Variants in KCNIP1 observed in about 807,000 individuals in gnomAD.
The protein encoded by KCNIP1 is A-type potassium channel modulatory protein KCNIP1.
A neutral mutation model predicts 33.0 loss-of-function variants in KCNIP1; 18 were observed. That is an observed-to-expected ratio of 0.55 (90% CI 0.38 to 0.81). KCNIP1 has a LOEUF of 0.81. Ranked by LOEUF, KCNIP1 falls within the 30% of genes least tolerant of loss-of-function variation. The probability of loss-of-function intolerance (pLI) is 0.00; values close to 1 mark genes in which losing one functional copy is unlikely to be tolerated. For missense variants in KCNIP1, 238 were observed against 271.6 expected (o/e 0.88, Z 0.87); for synonymous variants, 93 against 98.3 (o/e 0.95, Z 0.32).
intron 1 of KCNIP1, among the ~76,000 whole-genome samples, chr5:170,710,165 A>C (rs186646): frequency 0.71 from 108,028 of 152,196 alleles, 39,830 homozygotes; most frequent in East Asian, 0.95. Flanking sequence ...CTGTGCCTGG[A>C]CTGTGATTTC....
chr5:170,424,466 G>A (rs933425049), intron 1 of KCNIP1, among the ~76,000 whole-genome samples: 4 of 151,006 alleles, frequency 2.6e-5, no homozygotes, highest in African/African-American at 9.8e-5. Flanking sequence ...AACAAAGGGT[G>A]CATCCCACCC....
intron 1 of KCNIP1, among the ~76,000 whole-genome samples, chr5:170,439,483 C>T (rs1034567958): frequency 5.9e-5 from 7 of 118,440 alleles, no homozygotes; most frequent in Admixed American, 1.7e-4. Flanking sequence ...ATGTGGGGGA[C>T]GGGGGCGGGG....
chr5:170,357,166 T>A (rs1763370812), intron 1 of KCNIP1, among the ~76,000 whole-genome samples: 1 of 151,818 alleles, frequency 6.6e-6, no homozygotes, highest in Non-Finnish European at 1.5e-5. Context: ...ACGAATGCAG[T>A]GAGGAGCACA....
chr5:170,563,736 G>A (rs2113463063), intron 1 of KCNIP1, among the ~76,000 whole-genome samples: 1 of 152,304 alleles, frequency 6.6e-6, no homozygotes, highest in Admixed American at 6.5e-5. Context: ...TGCCTCCCAG[G>A]TTCAAACGAT....
At position 170,587,660 on chromosome 5, in the gene KCNIP1, C is replaced by G. The variant is rs1758052028; in HGVS notation, c.61+83027C>G. Among the ~76,000 whole-genome samples the G allele has an allele frequency of 1.3e-5, 2 of 152,212 alleles. 1 individual carries two copies. Among genetic ancestry groups the G allele is most frequent in the South Asian group, 4.1e-4 (2 of 4,826 alleles). ...AAGCACATCCCTCCAATCTCTGCTT[C>G]TGTCATCACATGGCCTTCCTCTGAC... On this transcript the variant is annotated intron_variant, in intron 1 of 7. Transcript: ENST00000328939.
chr5:170,495,029 A>G (rs1017414095), intron 1 of KCNIP1, among the ~76,000 whole-genome samples: 1 of 152,210 alleles, frequency 6.6e-6, no homozygotes, highest in Non-Finnish European at 1.5e-5. Context: ...GATGTACCAG[A>G]AAGTTACTTT....
intron 1 of KCNIP1, among the ~76,000 whole-genome samples, chr5:170,392,070 C>T (rs920146003): frequency 2.0e-5 from 3 of 152,168 alleles, no homozygotes; most frequent in Non-Finnish European, 4.4e-5. Context: ...GACGGGGGCT[C>T]GAGTTCCCCC....
chr5:170,456,792 C>T (rs1756391868), intron 1 of KCNIP1, among the ~76,000 whole-genome samples: 1 of 148,992 alleles, frequency 6.7e-6, no homozygotes, highest in Non-Finnish European at 1.5e-5. Context: ...AATCACAGCT[C>T]ACTGCAGCCT....
chr5:170,531,165 T>C (rs1004627186), intron 1 of KCNIP1, among the ~76,000 whole-genome samples: 3 of 151,846 alleles, frequency 2.0e-5, no homozygotes, highest in Admixed American at 6.6e-5. Context: ...AGAGAATCAG[T>C]TGAGGATGTG....
At chr5:170,670,988 T>C (rs1019894678) in intron 1 of KCNIP1, among the ~76,000 whole-genome samples, 6 of 151,852 alleles carry the variant, frequency 4.0e-5, no homozygotes, top group African/African-American at 9.7e-5. Context: ...CCTGAGGACT[T>C]CTGGAAGTCT....
intron 1 of KCNIP1, among the ~76,000 whole-genome samples, chr5:170,470,345 C>T (rs553832451): frequency 2.0e-5 from 3 of 152,234 alleles, no homozygotes; most frequent in Admixed American, 1.3e-4. Flanking sequence ...ATCAACATGC[C>T]TGTAACAGAA....
intron 1 of KCNIP1, among the ~76,000 whole-genome samples, chr5:170,705,465 A>G (rs1763227654): frequency 6.6e-6 from 1 of 152,210 alleles, no homozygotes; most frequent in African/African-American, 2.4e-5. Flanking sequence ...TCTTAAGGGC[A>G]GAGGAGCCAG....
At chr5:170,537,498 C>T (rs143530773) in intron 1 of KCNIP1, among the ~76,000 whole-genome samples, 116 of 152,298 alleles carry the variant, frequency 7.6e-4, no homozygotes, top group Middle Eastern at 3.4e-3. Context: ...CCCCTTTGTT[C>T]CTTGTACAAA....
At chr5:170,529,977 T>G (rs17672975) in intron 1 of KCNIP1, among the ~76,000 whole-genome samples, 43,356 of 152,054 alleles carry the variant, frequency 0.29, 6,519 homozygotes, top group Non-Finnish European at 0.33. Flanking sequence ...AACTCTTCCT[T>G]GAATGCTCCT....
chr5:170,424,543 A>G (rs1380305960), intron 1 of KCNIP1, among the ~76,000 whole-genome samples: 2 of 152,122 alleles, frequency 1.3e-5, no homozygotes, highest in Admixed American at 1.3e-4. Context: ...CAAGACTCAG[A>G]AAACTGCAGA....
intron 1 of KCNIP1, among the ~76,000 whole-genome samples, chr5:170,367,179 G>A (rs1248483835): frequency 6.6e-6 from 1 of 151,896 alleles, no homozygotes; most frequent in East Asian, 1.9e-4. Context: ...GCTGGGCATG[G>A]TGGCACATGC....
intron 1 of KCNIP1, among the ~76,000 whole-genome samples, chr5:170,556,899 G>A (rs548148477): frequency 1.3e-5 from 2 of 152,362 alleles, no homozygotes; most frequent in Admixed American, 6.5e-5. Context: ...GATTCCAATT[G>A]TGGATGTGGC....
chr5:170,547,525 T>A (rs1246552029), intron 1 of KCNIP1, among the ~76,000 whole-genome samples: 3 of 152,176 alleles, frequency 2.0e-5, no homozygotes, highest in African/African-American at 7.2e-5. Context: ...ATCCTCTCCC[T>A]CCTCCCACCC....
At chr5:170,517,641 T>C (rs1384439749) in intron 1 of KCNIP1, among the ~76,000 whole-genome samples, 1 of 150,038 alleles carries the variant, frequency 6.7e-6, no homozygotes, top group East Asian at 2.0e-4. Context: ...GATATGGTAG[T>C]ATGACAGCGA....
Sources: allele counts gnomAD v4.1 joint callset (sites outside exome capture counted in the v4.1 genomes callset), GRCh38; gene constraint gnomAD v4.1.1; transcripts MANE v1.5; gene names NCBI Gene and HGNC (gene_info 2026-07-23, HGNC 2026-07-21).